HIGD1C: variants seen among roughly 807,000 people sequenced by gnomAD.
The protein encoded by HIGD1C is HIG1 domain family member 1C.
In HIGD1C, 11 loss-of-function variants were observed where a neutral mutation model predicts 13.1. That is an observed-to-expected ratio of 0.84 (90% confidence interval 0.53 to 1.39). HIGD1C has a LOEUF of 1.39. Among genes scored for constraint, HIGD1C ranks in the 40% most tolerant of loss-of-function variants. The probability of loss-of-function intolerance (pLI) is 0.00; values close to 1 mark genes in which losing one functional copy is unlikely to be tolerated. For missense variants in HIGD1C, 110 were observed against 112.0 expected, an observed-to-expected ratio of 0.98 and a Z score of 0.08; for synonymous variants, 36 against 37.7, an observed-to-expected ratio of 0.95 and a Z score of 0.17.
intron 2 of HIGD1C, among the ~76,000 whole-genome samples, chr12:50,962,254 C>A (rs185303038): frequency 1.3e-5 from 2 of 151,690 alleles, no homozygotes; most frequent in African/African-American, 4.8e-5. Context: ...CACACACACA[C>A]ACAAAATAGC....
intron 2 of HIGD1C, among the ~76,000 whole-genome samples, chr12:50,965,778 G>A (rs1321870577): frequency 6.6e-6 from 1 of 152,162 alleles, no homozygotes; most frequent in Non-Finnish European, 1.5e-5. Context: ...CCTGGTAAAT[G>A]AGCACAGGTC....
chr12:50,954,207 C>G, intron 1 of HIGD1C, 115 bp downstream of exon 3: 1 of 633,302 alleles, frequency 1.6e-6, no homozygotes, highest in Non-Finnish European at 2.8e-6. Context: ...ATAATTGAAG[C>G]TAACCTCCTC....
At chr12:50,963,873 C>G (rs1033613576) in intron 2 of HIGD1C, among the ~76,000 whole-genome samples, 1 of 152,184 alleles carries the variant, frequency 6.6e-6, no homozygotes, top group Non-Finnish European at 1.5e-5. Flanking sequence ...CAGCCCTTGT[C>G]AACTTGACAT....
chr12:50,971,257 G>A (rs745404682), downstream of HIGD1C, among the ~76,000 whole-genome samples: 4 of 149,356 alleles, frequency 2.7e-5, no homozygotes, highest in Non-Finnish European at 4.4e-5. Context: ...AAGTAATTAC[G>A]GTTTCATAAA....
intron 1 of HIGD1C, 132 bp from the exon 4 acceptor site, chr12:50,960,836 C>T (rs1462250668): frequency 2.8e-6 from 2 of 708,300 alleles, no homozygotes; most frequent in Non-Finnish European, 4.5e-6. Flanking sequence ...ACGTGTATCA[C>T]CATGTGTGGC....
rs531527416 is a variant in HIGD1C, at chr12:50,967,309, C to T, written c.230-3133C>T. Among the ~76,000 whole-genome samples, 7 of 152,122 alleles carry T rather than the reference C, an allele frequency of 4.6e-5. No individual in the cohort carries two copies. The East Asian group carries it at 1.2e-3, about 25-fold the overall frequency. On this transcript the variant is annotated intron_variant, in intron 2 of 2. Coordinates refer to ENST00000398455, the Ensembl canonical transcript of HIGD1C. Reference sequence around the variant, plus strand: ...TACAGGTATGCATCATCATGTCTGGCTAATTTTAAAATTTTTTCGTAGAGG... The same window carrying T: ...TACAGGTATGCATCATCATGTCTGGTTAATTTTAAAATTTTTTCGTAGAGG...
the HIGD1C span, among the ~76,000 whole-genome samples, chr12:50,934,604 C>T: frequency 6.6e-6 from 1 of 152,182 alleles, no homozygotes; most frequent in East Asian, 1.9e-4. Flanking sequence ...TCAGGGTGCC[C>T]AGCGAATGTA....
the HIGD1C span, among the ~76,000 whole-genome samples, chr12:50,933,210 C>T: frequency 1.3e-5 from 2 of 152,208 alleles, no homozygotes; most frequent in South Asian, 4.1e-4. Flanking sequence ...ACCACAAAAT[C>T]TCCTTTGATA....
chr12:50,949,669 G>A (rs1295607841), upstream of HIGD1C, among the ~76,000 whole-genome samples: 1 of 151,312 alleles, frequency 6.6e-6, no homozygotes, highest in Non-Finnish European at 1.5e-5. Context: ...CAGTAGCTGC[G>A]ATTACAGGCA....
chr12:50,964,831 T>A (rs1212931786), intron 2 of HIGD1C, among the ~76,000 whole-genome samples: 4 of 152,256 alleles, frequency 2.6e-5, no homozygotes, highest in Non-Finnish European at 5.9e-5. Flanking sequence ...AAGATCCATC[T>A]GTCTTCTGCC....
At chr12:50,967,646 G>A (rs182165871) in intron 2 of HIGD1C, among the ~76,000 whole-genome samples, 4 of 152,224 alleles carry the variant, frequency 2.6e-5, no homozygotes, top group African/African-American at 9.6e-5. Flanking sequence ...CCTTATAACT[G>A]AAAACATGGC....
At chr12:50,950,615 G>A (rs1300895834), upstream of HIGD1C, among the ~76,000 whole-genome samples, 2 of 150,384 alleles carry the variant, frequency 1.3e-5, no homozygotes, top group Admixed American at 6.6e-5. Flanking sequence ...CAATTCTCCT[G>A]CCTCAGCCTC....
At chr12:50,931,515 T>A in the HIGD1C span, 18,861 of 147,426 alleles carry the variant, frequency 0.13, 2,160 homozygotes, top group African/African-American at 0.31. Flanking sequence ...AAGACCAGCC[T>A]GGCCAACATG....
the HIGD1C span, chr12:50,935,329 C>G: frequency 6.6e-6 from 1 of 152,252 alleles, no homozygotes; most frequent in South Asian, 2.1e-4. Context: ...GCCAGAGAAA[C>G]GGAGCAGAGG....
At chr12:50,961,491 A>C (rs953711896) in intron 2 of HIGD1C, among the ~76,000 whole-genome samples, 1 of 150,390 alleles carries the variant, frequency 6.6e-6, no homozygotes, top group South Asian at 2.2e-4. Flanking sequence ...CAGCAAATGT[A>C]GTTATTAGCT....
chr12:50,963,881 C>T (rs1939441900), intron 2 of HIGD1C, among the ~76,000 whole-genome samples: 2 of 152,184 alleles, frequency 1.3e-5, no homozygotes, highest in Admixed American at 1.3e-4. Context: ...GTCAACTTGA[C>T]ATCCATATAT....
chr12:50,945,744 T>C, the HIGD1C span, among the ~76,000 whole-genome samples: 1 of 152,186 alleles, frequency 6.6e-6, no homozygotes, highest in Non-Finnish European at 1.5e-5. Context: ...AAAGTTCATA[T>C]GGAACCATAA....
downstream of HIGD1C, among the ~76,000 whole-genome samples, chr12:50,971,337 C>T (rs1418444579): frequency 6.6e-6 from 1 of 152,138 alleles, no homozygotes. Context: ...GTTGGTTCAC[C>T]ACTTTATATC....
At chr12:50,964,514 A>G (rs1393918778) in intron 2 of HIGD1C, among the ~76,000 whole-genome samples, 1 of 152,218 alleles carries the variant, frequency 6.6e-6, no homozygotes, top group Non-Finnish European at 1.5e-5. Context: ...AATTAATATA[A>G]TGAACTAAAG....
Sources: allele counts gnomAD v4.1 joint callset (sites outside exome capture counted in the v4.1 genomes callset), GRCh38; gene constraint gnomAD v4.1.1; transcripts MANE v1.5; gene names NCBI Gene and HGNC (gene_info 2026-07-23, HGNC 2026-07-21).